Variants in NCOR2 observed in about 807,000 individuals in gnomAD.
The protein encoded by NCOR2 is nuclear receptor corepressor 2, also known as CTG repeat protein 26.
NCOR2 carries 81 observed loss-of-function variants against 262.9 expected under a neutral mutation model. That is an observed-to-expected ratio of 0.31 (90% CI 0.26 to 0.37). The LOEUF (loss-of-function observed/expected upper bound fraction) is 0.37, where lower values mean the gene tolerates loss of function less well. Among genes scored for constraint, NCOR2 ranks in the 10% least tolerant of loss-of-function variants. NCOR2 has a pLI of 1.00. For synonymous variants in NCOR2, 1,659 were observed against 1,559.3 expected (o/e 1.06, Z -1.51); for missense variants, 3,385 against 3,621.4 (o/e 0.93, Z 1.68).
chr12:124,488,071 A>C (rs1405888090), intron 1 of NCOR2, among the ~76,000 whole-genome samples: 2 of 151,640 alleles, frequency 1.3e-5, no homozygotes, highest in East Asian at 3.9e-4. Context: ...TCTTCTTGGC[A>C]CCTTTTTTTA....
At chr12:124,363,786 T>C (rs777015163) in exon 21 of NCOR2, 8 of 1,366,856 alleles carry the variant, frequency 5.9e-6, no homozygotes, top group Middle Eastern at 2.0e-4. Flanking sequence ...AGGCTGGGCC[T>C]TGGGGACAGC....
At chr12:124,427,177 G>A (rs2043598889) in intron 10 of NCOR2, among the ~76,000 whole-genome samples, 1 of 152,188 alleles carries the variant, frequency 6.6e-6, no homozygotes, top group African/African-American at 2.4e-5. Flanking sequence ...GGCCTTCCAG[G>A]TTCCGCAGGC....
chr12:124,391,131 C>T (rs2041278126), intron 16 of NCOR2, among the ~76,000 whole-genome samples: 1 of 152,258 alleles, frequency 6.6e-6, no homozygotes, highest in Admixed American at 6.5e-5. Context: ...CAGATGCCTC[C>T]AAGCTGCTTT....
intron 1 of NCOR2, among the ~76,000 whole-genome samples, chr12:124,507,834 G>A (rs1005872583): frequency 6.6e-6 from 1 of 152,170 alleles, no homozygotes; most frequent in Non-Finnish European, 1.5e-5. Context: ...GGCGGCCTCC[G>A]CAAGGTTCCC....
chr12:124,426,927 G>A (rs1297822370), intron 10 of NCOR2, 127 bp from the exon 13 acceptor site: 3 of 768,150 alleles, frequency 3.9e-6, no homozygotes, highest in East Asian at 2.7e-5. Flanking sequence ...CGAAACCAAG[G>A]AGAAGGAGAA....
At chr12:124,501,319 T>C (rs1233101664) in intron 1 of NCOR2, among the ~76,000 whole-genome samples, 1 of 152,060 alleles carries the variant, frequency 6.6e-6, no homozygotes, top group Non-Finnish European at 1.5e-5. Flanking sequence ...TAAGCACCTA[T>C]TGTGTGACAG....
intron 20 of NCOR2, 49 bp from the exon 23 acceptor site, chr12:124,363,848 C>T: frequency 7.6e-7 from 1 of 1,308,474 alleles, no homozygotes; most frequent in Non-Finnish European, 9.7e-7. Flanking sequence ...CCGGACTCTC[C>T]CAGGGTGGGG....
chr12:124,429,834 G>T, intron 9 of NCOR2, 128 bp from the exon 12 acceptor site: 2 of 888,666 alleles, frequency 2.3e-6, no homozygotes, highest in Non-Finnish European at 3.4e-6. Flanking sequence ...CAGCAGAGGG[G>T]CCGGCCCCAC....
intron 6 of NCOR2, among the ~76,000 whole-genome samples, chr12:124,456,553 C>T (rs1432023165): frequency 1.3e-5 from 2 of 152,218 alleles, no homozygotes; most frequent in African/African-American, 2.4e-5. Flanking sequence ...CCAGCACTTA[C>T]TGTTTACAAG....
intron 20 of NCOR2, among the ~76,000 whole-genome samples, chr12:124,370,389 C>T (rs1838829948): frequency 6.6e-6 from 1 of 152,194 alleles, no homozygotes; most frequent in South Asian, 2.1e-4. Flanking sequence ...TAGGGAATGT[C>T]CTAGGACTTC....
At chr12:124,466,465 C>T (rs2046425110) in intron 4 of NCOR2, among the ~76,000 whole-genome samples, 179 bp from the exon 7 acceptor site, 1 of 152,176 alleles carries the variant, frequency 6.6e-6, no homozygotes, top group African/African-American at 2.4e-5. Flanking sequence ...GAGGCCCCAG[C>T]TCCAGGGCCA....
At chr12:124,431,076 T>G (rs1355082605) in intron 8 of NCOR2, among the ~76,000 whole-genome samples, 1 of 149,654 alleles carries the variant, frequency 6.7e-6, no homozygotes, top group African/African-American at 2.5e-5. Context: ...GTCACAGACA[T>G]GCACATACAG....
chr12:124,431,310 C>G (rs923671436), intron 8 of NCOR2, among the ~76,000 whole-genome samples: 1 of 151,318 alleles, frequency 6.6e-6, no homozygotes, highest in Non-Finnish European at 1.5e-5. Flanking sequence ...CAGACACACA[C>G]AGTCACATAC....
intron 7 of NCOR2, among the ~76,000 whole-genome samples, 170 bp from the exon 10 acceptor site, chr12:124,438,166 G>A (rs2044476728): frequency 1.3e-5 from 2 of 152,070 alleles, no homozygotes; most frequent in African/African-American, 4.8e-5. Context: ...CTGCCAACGT[G>A]CATCCTTACT....
intron 1 of NCOR2, among the ~76,000 whole-genome samples, chr12:124,560,383 T>C (rs866792077): frequency 2.0e-5 from 3 of 152,270 alleles, no homozygotes; most frequent in African/African-American, 7.2e-5. Context: ...GCATTTCATA[T>C]GATTTCACAT....
At chr12:124,334,459 C>T (rs775770418) in exon 41 of NCOR2, 50 of 1,495,714 alleles carry the variant, frequency 3.3e-5, no homozygotes, top group South Asian at 1.1e-4. Context: ...AGCCACGGGC[C>T]GGGGCACCAT....
intron 1 of NCOR2, among the ~76,000 whole-genome samples, chr12:124,521,599 C>T (rs114131659): frequency 0.042 from 6,423 of 152,138 alleles, 225 homozygotes; most frequent in African/African-American, 0.095. Flanking sequence ...CCAGGGGCTG[C>T]GGGAGGCGGC....
At chr12:124,420,383 C>T (rs541243006) in intron 12 of NCOR2, among the ~76,000 whole-genome samples, 47 of 152,314 alleles carry the variant, frequency 3.1e-4, no homozygotes, top group African/African-American at 9.9e-4. Context: ...ACAGCGCTGA[C>T]GTCGCCATGT....
chr12:124,501,808 C>T (rs1170105399), intron 1 of NCOR2, among the ~76,000 whole-genome samples: 1 of 152,236 alleles, frequency 6.6e-6, no homozygotes, highest in Non-Finnish European at 1.5e-5. Flanking sequence ...TCAGGAGGTG[C>T]TCCAGAAATA....
Sources: allele counts gnomAD v4.1 joint callset (sites outside exome capture counted in the v4.1 genomes callset), GRCh38; gene constraint gnomAD v4.1.1; transcripts MANE v1.5; gene names NCBI Gene and HGNC (gene_info 2026-07-23, HGNC 2026-07-21).